ADGRG3: variants seen among roughly 807,000 people sequenced by gnomAD.
ADGRG3 encodes adhesion G protein-coupled receptor G3.
In ADGRG3, 39 loss-of-function variants were observed where a neutral mutation model predicts 54.3. The ratio of observed to expected loss-of-function variants is 0.72; its 90% CI spans 0.56 to 0.94. The LOEUF (loss-of-function observed/expected upper bound fraction) is 0.94. Ranked by LOEUF, ADGRG3 falls within the 40% of genes least tolerant of loss-of-function variation. The pLI is 0.00. For missense variants in ADGRG3, 654 were observed against 694.6 expected, an observed-to-expected ratio of 0.94 and a Z score of 0.66; for synonymous variants, 312 against 290.0, an observed-to-expected ratio of 1.08 and a Z score of -0.77.
chr16:57,677,305 G>A (rs1241756717), intron 3 of ADGRG3, among the ~76,000 whole-genome samples: 7 of 152,146 alleles, frequency 4.6e-5, no homozygotes, highest in African/African-American at 1.7e-4. Flanking sequence ...CTTTGCAGCC[G>A]GGCACAGTGG....
upstream of ADGRG3, among the ~76,000 whole-genome samples, chr16:57,666,656 C>T (rs2048065215): frequency 6.6e-6 from 1 of 152,126 alleles, no homozygotes; most frequent in South Asian, 2.1e-4. Flanking sequence ...TGGGGGGGGT[C>T]TCAGGGTTCT....
intron 8 of ADGRG3, among the ~76,000 whole-genome samples, chr16:57,683,568 T>C (rs1216024555): frequency 7.9e-5 from 12 of 152,212 alleles, no homozygotes; most frequent in African/African-American, 2.9e-4. Flanking sequence ...CCCGTCCCAT[T>C]CACCGTGCTT....
intron 3 of ADGRG3, 30 bp from the exon 4 acceptor site, chr16:57,678,140 A>T (rs1274626441): frequency 6.2e-7 from 1 of 1,611,082 alleles, no homozygotes; most frequent in African/African-American, 1.3e-5. Context: ...GGGTGGGTAC[A>T]GATGGGAGCT....
chr16:57,684,508 G>C, intron 10 of ADGRG3, 25 bp downstream of exon 10: 1 of 1,527,266 alleles, frequency 6.5e-7, no homozygotes, highest in Non-Finnish European at 9.1e-7. Context: ...TGGGAGCAGG[G>C]GTGATGCCAG....
chr16:57,679,801 A>C lies in ADGRG3; in HGVS notation c.628-15A>C, dbSNP rs2048331066. 2 of 1,605,336 alleles carry C rather than the reference A, an allele frequency of 1.2e-6. No homozygotes were observed. Among genetic ancestry groups the C allele is most frequent in the East Asian group, 2.2e-5 (1 of 44,616 alleles). On this transcript the variant is annotated splice_polypyrimidine_tract_variant and intron_variant, in intron 5 of 11. Transcript: ENST00000333493. ...TCCCTTTTCCTCTCTCCTGACTTCC[A>C]CTCTTCGGTTTCAGAACATGACCCT...
intron 1 of ADGRG3, 37 bp downstream of exon 1, chr16:57,668,442 G>A: frequency 2.6e-6 from 4 of 1,530,850 alleles, no homozygotes; most frequent in Non-Finnish European, 3.5e-6. Flanking sequence ...CTGCCACGCT[G>A]GGCCGACCCT....
chr16:57,668,140 G>A (rs1161459617), upstream of ADGRG3: 1 of 585,830 alleles, frequency 1.7e-6, no homozygotes, highest in Non-Finnish European at 3.0e-6. Context: ...TGGACCCAGG[G>A]TGCGGTGAGA....
intron 4 of ADGRG3, chr16:57,678,683 G>C (rs774105417): frequency 6.0e-6 from 2 of 333,100 alleles, no homozygotes; most frequent in East Asian, 1.3e-4. Flanking sequence ...ATATCCACAC[G>C]AGCAAGTGTA....
chr16:57,671,579 C>A (rs1479583519), intron 1 of ADGRG3, among the ~76,000 whole-genome samples: 1 of 152,118 alleles, frequency 6.6e-6, no homozygotes, highest in East Asian at 1.9e-4. Flanking sequence ...AGGTGATCCA[C>A]CCATCTCGGC....
At chr16:57,676,373 A>G in intron 3 of ADGRG3, 35 bp downstream of exon 3, 1 of 1,597,470 alleles carries the variant, frequency 6.3e-7, no homozygotes, top group East Asian at 2.2e-5. Flanking sequence ...GCTGGTTCGG[A>G]CCCTATTTTT....
intron 1 of ADGRG3, among the ~76,000 whole-genome samples, 176 bp downstream of exon 1, chr16:57,668,581 G>A (rs1342576885): frequency 2.0e-5 from 3 of 152,188 alleles, no homozygotes; most frequent in East Asian, 3.9e-4. Flanking sequence ...TGTCCCTTTG[G>A]GTCAGTCCTG....
intron 5 of ADGRG3, 28 bp downstream of exon 5, chr16:57,679,339 C>A (rs2048321787): frequency 6.2e-7 from 1 of 1,611,874 alleles, no homozygotes; most frequent in Non-Finnish European, 8.5e-7. Flanking sequence ...GCCTGGCAGC[C>A]ACTGCAGGGC....
Position 57,683,845 on chromosome 16 carries a change from G to A in ADGRG3, c.882-87G>A, listed in dbSNP as rs370684812. The A allele has an allele frequency of 3.7e-6, 4 of 1,084,024 alleles. No individual in the cohort carries two copies. In the South Asian group the frequency reaches 5.3e-5, roughly 14 times the overall value. The allele number at this position is 1,084,024 out of a possible 1,614,324, so 67.2% of individuals were successfully genotyped here. A position where few individuals can be genotyped will look rare whatever the true frequency, so the allele number is the denominator to read the frequency against. On this transcript the variant is annotated intron_variant, in intron 8 of 11. Coordinates refer to ENST00000333493, the MANE Select transcript of ADGRG3 (RefSeq NM_170776.5). ...CTGGCAGTGGGGGTGGAGAGCCATA[G>A]GCTATTGGGGTGGACAGGCTTGGGT...
At chr16:57,669,820 G>T (rs889265827) in intron 1 of ADGRG3, among the ~76,000 whole-genome samples, 3 of 152,158 alleles carry the variant, frequency 2.0e-5, no homozygotes, top group South Asian at 2.1e-4. Context: ...GTGGGGGCTC[G>T]CATGTGAGAC....
intron 7 of ADGRG3, 48 bp downstream of exon 7, chr16:57,680,413 C>A: frequency 6.4e-7 from 1 of 1,573,204 alleles, no homozygotes; most frequent in Non-Finnish European, 8.7e-7. Flanking sequence ...GGGCTTCCAG[C>A]TCCTGCCCTG....
At chr16:57,678,439 A>C (rs2048303151) in intron 4 of ADGRG3, 123 bp downstream of exon 4, 2 of 937,100 alleles carry the variant, frequency 2.1e-6, no homozygotes, top group Admixed American at 4.3e-5. Context: ...TGAGCCTCTT[A>C]GTGTTTCTAA....
chr16:57,668,574 C>T (rs565623508), intron 1 of ADGRG3, among the ~76,000 whole-genome samples, 169 bp downstream of exon 1: 1 of 152,224 alleles, frequency 6.6e-6, no homozygotes, highest in South Asian at 2.1e-4. Context: ...CTAGCCCTGT[C>T]CCTTTGGGTC....
At position 57,687,145 on chromosome 16, in the gene ADGRG3, G is replaced by A. The variant is rs73554934; in HGVS notation, c.1541-1207G>A. 5.0e-3 allele frequency among the ~76,000 whole-genome samples: 760 copies of A among 152,336 alleles called. 11 individuals carry two copies. Among genetic ancestry groups the A allele is most frequent in the African/African-American group, 0.018 (728 of 41,574 alleles). ...GTGGCTTAGTGGCTAGGGCCAGGCAGCCCTGGGTCCAAATCCTAGCCCCAT... is the reference window on the plus strand; with the variant it reads ...GTGGCTTAGTGGCTAGGGCCAGGCAACCCTGGGTCCAAATCCTAGCCCCAT... On this transcript the variant is annotated intron_variant, in intron 11 of 11. Coordinates refer to ENST00000333493, the MANE Select transcript of ADGRG3 (RefSeq NM_170776.5).
intron 1 of ADGRG3, among the ~76,000 whole-genome samples, chr16:57,670,596 C>T (rs2048137557): frequency 6.6e-6 from 1 of 152,062 alleles, no homozygotes; most frequent in South Asian, 2.1e-4. Context: ...TTTAAAAAGC[C>T]AACATAGATC....
Sources: gnomAD v4.1 joint callset for allele counts (sites outside exome capture counted in the v4.1 genomes callset) on GRCh38, gnomAD v4.1.1 for gene constraint, MANE v1.5 for transcripts, NCBI Gene and HGNC (gene_info 2026-07-23, HGNC 2026-07-21) for gene names.